RAB36: variants seen among roughly 807,000 people sequenced by gnomAD.
The protein encoded by RAB36 is ras-related protein Rab-36.
Under a neutral mutation model 39.3 loss-of-function variants are expected in RAB36, and 33 were observed. The observed-to-expected ratio is 0.84, with a 90% CI of 0.64 to 1.12. The LOEUF is 1.12. RAB36 is among the 50% of genes most tolerant of loss of function. The pLI is 0.00. For synonymous variants in RAB36, 133 were observed against 140.2 expected, an observed-to-expected ratio of 0.95 and a Z score of 0.36; for missense variants, 308 against 355.3, an observed-to-expected ratio of 0.87 and a Z score of 1.07.
chr22:23,151,406 G>A (rs2071116127), intron 3 of RAB36, among the ~76,000 whole-genome samples: 1 of 152,142 alleles, frequency 6.6e-6, no homozygotes, highest in Admixed American at 6.5e-5. Context: ...CTGGGAGCAG[G>A]GTAGACACAA....
downstream of RAB36, among the ~76,000 whole-genome samples, chr22:23,168,178 C>T (rs190853163): frequency 2.6e-5 from 4 of 152,286 alleles, 1 homozygote; most frequent in East Asian, 3.9e-4. Flanking sequence ...GATGCCAGCC[C>T]GACCCCATTT....
Position 23,145,509 on chromosome 22 carries a change from C to T in RAB36, c.-55C>T, listed in dbSNP as rs761171420. On this transcript the variant is annotated 5_prime_UTR_variant, in exon 1 of 11. Transcript: ENST00000263116. The stretch of plus-strand genomic sequence containing the variant: ...TGGTGATCGCCGCCGCTGGCTCAGG[C>T]GGACCAGGCCGCGCGGAGCCCCAGC... 12 of 1,605,302 alleles carry T rather than the reference C, an allele frequency of 7.5e-6. No individual in the cohort carries two copies. The highest frequency in any genetic ancestry group is 2.7e-5 in the African/African-American group (2 of 74,882).
At chr22:23,156,122 G>A (rs1427679335) in intron 6 of RAB36, 90 bp downstream of exon 6, 3 of 929,724 alleles carry the variant, frequency 3.2e-6, no homozygotes, top group East Asian at 3.8e-5. Context: ...TCTCTGCACA[G>A]GCACCAGTTT....
intron 7 of RAB36, 58 bp downstream of exon 7, chr22:23,158,101 G>C (rs2071561997): frequency 6.2e-7 from 1 of 1,606,524 alleles, no homozygotes; most frequent in Non-Finnish European, 8.5e-7. Context: ...CTGCCTGGAA[G>C]GGCTCCCAGA....
At position 23,165,132 on chromosome 22, in the gene RAB36, T is replaced by C. The variant is rs1313683339; in HGVS notation, c.*3568T>C. 6.6e-6 allele frequency among the ~76,000 whole-genome samples: 1 copy of C among 152,150 alleles called. No individual in the cohort carries two copies. Among genetic ancestry groups the C allele is most frequent in the East Asian group, 1.9e-4 (1 of 5,200 alleles). On this transcript the variant is annotated 3_prime_UTR_variant, in exon 11 of 11. Coordinates refer to ENST00000263116, the MANE Select transcript of RAB36 (RefSeq NM_004914.5). ...CCCAAGAGCCAGGACAGTGACCTCA[T>C]CACCTCTACTGTCTCCCCTAGCACC... is the stretch of plus-strand genomic sequence containing the variant.
chr22:23,145,404 C>A, upstream of RAB36: 1 of 1,609,774 alleles, frequency 6.2e-7, no homozygotes. Context: ...TTGGACGCGC[C>A]GCTGCCAGTC....
intron 5 of RAB36, among the ~76,000 whole-genome samples, chr22:23,155,500 C>G (rs1216391410): frequency 1.3e-5 from 2 of 152,226 alleles, no homozygotes; most frequent in Non-Finnish European, 2.9e-5. Context: ...TACTTTGGGA[C>G]CTGCAGTGTG....
At position 23,155,959 on chromosome 22, in the gene RAB36, A is replaced by G; in HGVS notation, c.330-9A>G. 6.2e-7 allele frequency: 1 copy of G among 1,607,146 alleles called. No homozygotes were observed. Among genetic ancestry groups the G allele is most frequent in the Non-Finnish European group, 8.5e-7 (1 of 1,176,812 alleles). Reference sequence around the variant, plus strand: ...CACCATTTCCCTTTCTTTCTCACCCACCTCACAGCTGGGACACAGCTGGGC... The same window carrying G: ...CACCATTTCCCTTTCTTTCTCACCCGCCTCACAGCTGGGACACAGCTGGGC... On this transcript the variant is annotated splice_polypyrimidine_tract_variant and intron_variant, in intron 5 of 10. Transcript: ENST00000263116.
downstream of RAB36, among the ~76,000 whole-genome samples, chr22:23,167,858 T>A (rs141004904): frequency 6.6e-6 from 1 of 151,954 alleles, no homozygotes; most frequent in East Asian, 1.9e-4. Flanking sequence ...ATTGACTAAT[T>A]CTCATTTTTT....
rs1180738573 is a variant in RAB36, at chr22:23,153,074, T to C, written c.269T>C (p.Ile90Thr). 1 of 1,614,046 alleles carries C rather than the reference T, an allele frequency of 6.2e-7. No individual in the cohort carries two copies. Among genetic ancestry groups the C allele is most frequent in the Non-Finnish European group, 8.5e-7 (1 of 1,179,916 alleles). The change falls in exon 5 of 11, where the codon ATT becomes ACT. Residue 90 changes from isoleucine (I) to threonine (T), a missense_variant. Transcript: ENST00000263116. ...NVFDRDYKATIGVDFEIERFE... is the reference protein window; with the variant it reads ...NVFDRDYKATTGVDFEIERFE... ...TTTGATCGAGACTACAAGGCCACCA[T>C]TGGGGTGGACTTTGAAATTGAGCGC...
intron 6 of RAB36, among the ~76,000 whole-genome samples, chr22:23,157,281 C>T (rs1408085871): frequency 6.6e-6 from 1 of 150,966 alleles, no homozygotes; most frequent in Non-Finnish European, 1.5e-5. Context: ...GCCTGAGTCT[C>T]GCTTTGTAGC....
rs749719066 is a variant in RAB36 at position 23,158,928 on chromosome 22, C to T, written c.477C>T (p.Asn159=). 15 of 1,614,052 alleles carry T rather than the reference C, an allele frequency of 9.3e-6. No homozygotes were observed. The highest frequency in any genetic ancestry group is 2.2e-5 in the East Asian group (1 of 44,894). ...GGTTGGAGGATGCTCTGAGGGAGAA[C>T]GAGGCAGGCTCCTGCTTCATCTTCC... ...RQWLEDALRE[N]EAGSCFIFLV... The change falls in exon 8 of 11, where the codon AAC becomes AAT. Residue 159 remains asparagine (N), a synonymous_variant. Transcript: ENST00000263116.
At chr22:23,167,942 C>T (rs1050804973), downstream of RAB36, among the ~76,000 whole-genome samples, 1 of 152,054 alleles carries the variant, frequency 6.6e-6, no homozygotes, top group African/African-American at 2.4e-5. Flanking sequence ...AACTTTCCAT[C>T]ATCAAGCAAT....
downstream of RAB36, among the ~76,000 whole-genome samples, chr22:23,168,988 G>A (rs1374528405): frequency 6.6e-6 from 1 of 152,210 alleles, no homozygotes; most frequent in Non-Finnish European, 1.5e-5. Flanking sequence ...CTTCGGGAAC[G>A]AGCTCATCTT....
chr22:23,161,021 T>C (rs2071753967), intron 10 of RAB36, 23 bp downstream of exon 10: 1 of 1,577,714 alleles, frequency 6.3e-7, no homozygotes. Flanking sequence ...GTGACTGGGT[T>C]GGGCTGGGGA....
chr22:23,158,556 C>T (rs546893670), intron 7 of RAB36, among the ~76,000 whole-genome samples: 91 of 152,344 alleles, frequency 6.0e-4, no homozygotes, highest in African/African-American at 2.1e-3. Flanking sequence ...GGGGCATTCA[C>T]ACCCAGCAAC....
At position 23,159,242 on chromosome 22, in the gene RAB36, C is replaced by T. The variant is rs144436994; in HGVS notation, c.608C>T (p.Ser203Leu). 48 of 1,594,078 alleles carry T rather than the reference C, an allele frequency of 3.0e-5. No individual in the cohort carries two copies. Among genetic ancestry groups the T allele is most frequent in the African/African-American group, 1.1e-4 (8 of 74,664 alleles). ...ATGCAGGCCGAGTACTGGTCAGTGT[C>T]GGCCAAGACTGGTGAGTGGGCCAGG... The part of the protein sequence containing the change: ...REMQAEYWSV[S>L]AKTGENVKAF... Residue 203 changes from serine (S) to leucine (L), a missense_variant, in exon 9 of 11, where the codon TCG (serine) becomes TTG (leucine). Coordinates refer to ENST00000263116, the MANE Select transcript of RAB36 (RefSeq NM_004914.5).
At chr22:23,167,062 G>C (rs1446676636), downstream of RAB36, among the ~76,000 whole-genome samples, 1 of 151,910 alleles carries the variant, frequency 6.6e-6, no homozygotes, top group African/African-American at 2.4e-5. Flanking sequence ...TGAAGAGATG[G>C]GACACACCTG....
chr22:23,151,097 G>A (rs191287075), intron 3 of RAB36, among the ~76,000 whole-genome samples: 43 of 152,340 alleles, frequency 2.8e-4, no homozygotes, highest in African/African-American at 9.9e-4. Context: ...AGCTCACAGG[G>A]GTCACAGAGG....
Sources: gnomAD v4.1 joint callset for allele counts (sites outside exome capture counted in the v4.1 genomes callset) on GRCh38, gnomAD v4.1.1 for gene constraint, MANE v1.5 for transcripts, NCBI Gene and HGNC (gene_info 2026-07-23, HGNC 2026-07-21) for gene names.